The following ITPR1 variants were observed in gnomAD, a reference collection of about 807,000 sequenced individuals.
ITPR1 encodes the protein inositol 1,4,5-trisphosphate-gated calcium channel ITPR1.
A neutral mutation model predicts 318.4 loss-of-function variants in ITPR1; 96 were observed. That is an observed-to-expected ratio of 0.30 (90% CI 0.26 to 0.36). ITPR1 has a LOEUF of 0.36. Ranked by LOEUF, ITPR1 falls within the 10% of genes least tolerant of loss-of-function variation. The pLI is 1.00. For missense variants in ITPR1, 2,440 were observed against 3,460.2 expected (o/e 0.71, Z 7.40); for synonymous variants, 1,312 against 1,289.9 (o/e 1.02, Z -0.37).
chr3:4,520,008 G>A (rs58136694), intron 3 of ITPR1, among the ~76,000 whole-genome samples: 1,854 of 152,272 alleles, frequency 0.012, 42 homozygotes, highest in African/African-American at 0.042. Context: ...AGGCAAAAGG[G>A]AATCTTGGAG....
rs566414236 is a variant in ITPR1, at chr3:4,660,572, AT to A, written c.1152-409del. 3.9e-3 allele frequency among the ~76,000 whole-genome samples: 599 copies of A among 151,852 alleles called. 2 individuals are homozygous for A. The highest frequency in any genetic ancestry group is 6.8e-3 in the Middle Eastern group (2 of 294). On this transcript the variant is annotated intron_variant, in intron 13 of 61. Transcript: ENST00000649015. ...CCTACTGCAAGATTAGTAAATACTCATTTTTTTCCAGAAATTTTATGATCTC... is the reference window on the plus strand; with the variant it reads ...CCTACTGCAAGATTAGTAAATACTCATTTTTTCCAGAAATTTTATGATCTC...
chr3:4,592,262 CTT>C lies in ITPR1; in HGVS notation c.164-35500_164-35499del, dbSNP rs1291216085. On this transcript the variant is annotated intron_variant, in intron 4 of 61. Coordinates refer to ENST00000649015, the MANE Select transcript of ITPR1 (RefSeq NM_001378452.1). ...TCAGTCCCGCATACAAACTGACTGTCTTGTTTTATGTTTTGTGTTTAATAGCA... is the reference window on the plus strand; with the variant it reads ...TCAGTCCCGCATACAAACTGACTGTCGTTTTATGTTTTGTGTTTAATAGCA... Among the ~76,000 whole-genome samples the C allele has an allele frequency of 2.0e-5, 3 of 152,134 alleles. No homozygotes were observed. The East Asian group carries it at 5.8e-4, about 29-fold the overall frequency.
intron 44 of ITPR1, among the ~76,000 whole-genome samples, chr3:4,760,571 G>A (rs1366617482): frequency 6.6e-6 from 1 of 152,180 alleles, no homozygotes; most frequent in African/African-American, 2.4e-5. Context: ...GTGGCTTAAA[G>A]GAACCAAATG....
chr3:4,676,520 A>T (rs1354824993), intron 23 of ITPR1, 94 bp from the exon 24 acceptor site: 8 of 874,428 alleles, frequency 9.1e-6, no homozygotes, highest in African/African-American at 1.7e-5. Context: ...GGATATGTTA[A>T]ATAATTTCTC....
intron 4 of ITPR1, among the ~76,000 whole-genome samples, chr3:4,534,397 G>C (rs1464247263): frequency 6.6e-6 from 1 of 152,184 alleles, no homozygotes; most frequent in Non-Finnish European, 1.5e-5. Flanking sequence ...AAGGTGAGTG[G>C]TCAGCCTGGC....
intron 36 of ITPR1, among the ~76,000 whole-genome samples, chr3:4,705,173 T>C (rs959608557): frequency 3.9e-5 from 6 of 152,192 alleles, no homozygotes; most frequent in African/African-American, 1.4e-4. Flanking sequence ...AAATCATTGT[T>C]TTTTGGACAT....
At chr3:4,618,824 A>T (rs893683069) in intron 4 of ITPR1, among the ~76,000 whole-genome samples, 7 of 152,160 alleles carry the variant, frequency 4.6e-5, no homozygotes, top group Non-Finnish European at 7.3e-5. Context: ...TGTGGGATGG[A>T]TGACTAGCAT....
intron 4 of ITPR1, among the ~76,000 whole-genome samples, chr3:4,557,217 A>G (rs540456255): frequency 1.4e-4 from 21 of 152,350 alleles, no homozygotes; most frequent in African/African-American, 4.8e-4. Context: ...AGGCTTCACA[A>G]TCATGGCTGA....
intron 4 of ITPR1, among the ~76,000 whole-genome samples, chr3:4,593,293 C>T (rs1342282339): frequency 6.6e-6 from 1 of 152,054 alleles, no homozygotes; most frequent in East Asian, 1.9e-4. Flanking sequence ...ATGCCATTTC[C>T]CTTTGCTTAG....
chr3:4,737,861 G>A (rs1575073728), intron 44 of ITPR1, among the ~76,000 whole-genome samples: 1 of 152,174 alleles, frequency 6.6e-6, no homozygotes, highest in African/African-American at 2.4e-5. Context: ...TTGGGTGGTG[G>A]TTACATGACT....
chr3:4,526,475 G>A (rs867115764), intron 4 of ITPR1, among the ~76,000 whole-genome samples: 1 of 152,216 alleles, frequency 6.6e-6, no homozygotes, highest in Non-Finnish European at 1.5e-5. Context: ...AGGCCCTACT[G>A]TGTACCAGCT....
intron 4 of ITPR1, among the ~76,000 whole-genome samples, chr3:4,620,387 G>C (rs1225985958): frequency 1.3e-5 from 2 of 152,154 alleles, no homozygotes; most frequent in Non-Finnish European, 2.9e-5. Flanking sequence ...GGACACAGGG[G>C]TCTGACTGCT....
intron 4 of ITPR1, among the ~76,000 whole-genome samples, chr3:4,609,089 T>TATATATACACAC (rs1171860541): frequency 1.4e-3 from 131 of 91,874 alleles, no homozygotes; most frequent in African/African-American, 4.5e-3. Flanking sequence ...TATATATATA[T>TATATATACACAC]ACACACACAC....
intron 46 of ITPR1, among the ~76,000 whole-genome samples, chr3:4,771,413 C>T (rs528180843): frequency 3.3e-5 from 5 of 152,292 alleles, no homozygotes; most frequent in South Asian, 2.1e-4. Flanking sequence ...TGCTTGTTCC[C>T]GAGCTTAGCT....
intron 45 of ITPR1, among the ~76,000 whole-genome samples, chr3:4,767,530 C>T (rs762398755): frequency 3.3e-5 from 5 of 152,188 alleles, no homozygotes; most frequent in East Asian, 1.9e-4. Flanking sequence ...TTTTAAAAAA[C>T]GAAATCTTGG....
intron 39 of ITPR1, among the ~76,000 whole-genome samples, chr3:4,716,188 A>G (rs1052433297): frequency 3.3e-5 from 5 of 152,192 alleles, no homozygotes; most frequent in African/African-American, 7.2e-5. Flanking sequence ...CTTTTAATCT[A>G]CAGTTTAAAC....
Position 4,779,221 on chromosome 3 carries a change from G to A in ITPR1, c.6292-329G>A, listed in dbSNP as rs1346383489. Among the ~76,000 whole-genome samples, 2 of 152,238 alleles carry A rather than the reference G, an allele frequency of 1.3e-5. No individual in the cohort carries two copies. Among genetic ancestry groups the A allele is most frequent in the Non-Finnish European group, 2.9e-5 (2 of 68,038 alleles). On this transcript the variant is annotated intron_variant, in intron 48 of 61. Transcript: ENST00000649015. This position sits in a 1 kb window ranked among gnomAD's most constrained non-coding sequence, Gnocchi z 4.0. ...CTTCCCAACCACTGTCACCATGAGGGTGACAGTGTATCCGTAAGCACCCAC... is the reference window on the plus strand; with the variant it reads ...CTTCCCAACCACTGTCACCATGAGGATGACAGTGTATCCGTAAGCACCCAC...
chr3:4,564,202 A>G (rs1027043943), intron 4 of ITPR1, among the ~76,000 whole-genome samples: 24 of 152,028 alleles, frequency 1.6e-4, no homozygotes, highest in Non-Finnish European at 3.2e-4. Context: ...CGGCCTCCCA[A>G]AGTGCTGGGA....
At chr3:4,768,870 C>T in intron 46 of ITPR1, 106 bp downstream of exon 46, 1 of 1,109,206 alleles carries the variant, frequency 9.0e-7, no homozygotes, top group East Asian at 2.5e-5. Context: ...TTGCTTGAGC[C>T]AAGGATCCAG....
Sources: gnomAD v4.1 joint callset for allele counts (sites outside exome capture counted in the v4.1 genomes callset) on GRCh38, gnomAD v4.1.1 for gene constraint, Gnocchi (gnomAD v3.1) non-coding constraint, MANE v1.5 for transcripts, NCBI Gene and HGNC (gene_info 2026-07-23, HGNC 2026-07-21) for gene names.